Variants in TNFRSF19 observed in about 807,000 individuals in gnomAD.
TNFRSF19 encodes the protein TNF receptor superfamily member 19, also known as tumor necrosis factor receptor superfamily member 19.
Under a neutral mutation model 46.4 loss-of-function variants are expected in TNFRSF19, and 27 were observed. The ratio of observed to expected loss-of-function variants is 0.58; its 90% CI spans 0.43 to 0.80. The LOEUF (loss-of-function observed/expected upper bound fraction) is 0.80. Ranked by LOEUF, TNFRSF19 falls within the 30% of genes least tolerant of loss-of-function variation. The pLI, the probability that TNFRSF19 is intolerant of heterozygous loss-of-function variation, is 0.00. For missense variants in TNFRSF19, 511 were observed against 530.8 expected (o/e 0.96, Z 0.37); for synonymous variants, 204 against 205.0 (o/e 1.00, Z 0.04).
intron 5 of TNFRSF19, among the ~76,000 whole-genome samples, chr13:23,638,061 C>T (rs1882799619): frequency 1.6e-5 from 2 of 128,766 alleles, no homozygotes; most frequent in South Asian, 4.7e-4. Flanking sequence ...CACAGATGTT[C>T]AAGGCCATAA....
chr13:23,625,857 A>G (rs2138287910), intron 4 of TNFRSF19, among the ~76,000 whole-genome samples: 1 of 152,242 alleles, frequency 6.6e-6, no homozygotes, highest in African/African-American at 2.4e-5. Flanking sequence ...AAAATGATAT[A>G]TTTTCATTTT....
chr13:23,624,218 C>G (rs976630447), intron 4 of TNFRSF19, among the ~76,000 whole-genome samples: 1 of 152,104 alleles, frequency 6.6e-6, no homozygotes, highest in Non-Finnish European at 1.5e-5. Context: ...TCTGGGATCT[C>G]TTGTCTATTC....
chr13:23,627,872 C>A (rs1882106966), intron 5 of TNFRSF19, among the ~76,000 whole-genome samples: 1 of 152,120 alleles, frequency 6.6e-6, no homozygotes, highest in Non-Finnish European at 1.5e-5. Flanking sequence ...GTGTCCTTTA[C>A]CAAAATGCAT....
At chr13:23,644,159 A>G (rs1037772712) in intron 5 of TNFRSF19, among the ~76,000 whole-genome samples, 5 of 152,238 alleles carry the variant, frequency 3.3e-5, no homozygotes, top group African/African-American at 7.2e-5. Flanking sequence ...TTCTGTATTT[A>G]TAAACCAATG....
chr13:23,612,742 G>A (rs79829851), intron 3 of TNFRSF19, among the ~76,000 whole-genome samples: 11,932 of 152,250 alleles, frequency 0.078, 685 homozygotes, highest in East Asian at 0.28. Context: ...GTTCCCATGA[G>A]TATTTGGGAT....
chr13:23,639,021 A>G lies in TNFRSF19; in HGVS notation c.445+12229A>G, dbSNP rs117610978. ...GAAGAAATAAGAGCTGTTTAGTTCA[A>G]CTCAACAATTAATTTTTATTTTCTT... On this transcript the variant is annotated intron_variant, in intron 5 of 9. Coordinates refer to ENST00000248484, the MANE Select transcript of TNFRSF19 (RefSeq NM_148957.4). 8.4e-4 allele frequency among the ~76,000 whole-genome samples: 128 copies of G among 152,276 alleles called. No homozygotes were observed. The East Asian group carries it at 9.6e-3, about 11-fold the overall frequency.
At chr13:23,578,595 C>T (rs976311119) in intron 1 of TNFRSF19, among the ~76,000 whole-genome samples, 1 of 152,212 alleles carries the variant, frequency 6.6e-6, no homozygotes, top group Non-Finnish European at 1.5e-5. Context: ...AAGTCAAAAC[C>T]AACACGTGAG....
intron 5 of TNFRSF19, among the ~76,000 whole-genome samples, chr13:23,637,274 G>C (rs1882748780): frequency 6.6e-6 from 1 of 152,186 alleles, no homozygotes; most frequent in South Asian, 2.1e-4. Context: ...CCATCTACTT[G>C]ATGTTTTTCA....
At chr13:23,611,013 C>T (rs1022030602) in intron 3 of TNFRSF19, among the ~76,000 whole-genome samples, 4 of 151,986 alleles carry the variant, frequency 2.6e-5, no homozygotes, top group African/African-American at 9.7e-5. Context: ...TAATGGCGGA[C>T]CATGCTCCAT....
chr13:23,574,700 G>C (rs1330178242), intron 1 of TNFRSF19, among the ~76,000 whole-genome samples: 1 of 152,138 alleles, frequency 6.6e-6, no homozygotes, highest in Non-Finnish European at 1.5e-5. Context: ...CCCTTTAAAG[G>C]ATGGTTCTTT....
At chr13:23,649,456 T>C (rs1431835970) in intron 5 of TNFRSF19, among the ~76,000 whole-genome samples, 2 of 152,142 alleles carry the variant, frequency 1.3e-5, no homozygotes, top group East Asian at 3.8e-4. Flanking sequence ...TTCTCTCTTA[T>C]TTACTTAGTC....
chr13:23,632,523 G>C (rs1323385072), intron 5 of TNFRSF19, among the ~76,000 whole-genome samples: 2 of 152,264 alleles, frequency 1.3e-5, no homozygotes, highest in East Asian at 3.9e-4. Flanking sequence ...TTAAGTTACT[G>C]TTGCTCCTTC....
chr13:23,604,206 G>A (rs1880360102), intron 3 of TNFRSF19, among the ~76,000 whole-genome samples: 1 of 151,858 alleles, frequency 6.6e-6, no homozygotes, highest in South Asian at 2.1e-4. Flanking sequence ...CATATATACT[G>A]TCAGTGAACA....
intron 4 of TNFRSF19, among the ~76,000 whole-genome samples, chr13:23,617,882 G>T (rs1881408774): frequency 6.6e-6 from 1 of 152,192 alleles, no homozygotes; most frequent in Admixed American, 6.5e-5. Flanking sequence ...CAGAATTCAT[G>T]CTCCGAGGCA....
In TNFRSF19 at chr13:23,668,030, A is replaced by G; in HGVS notation, c.787A>G (p.Asn263Asp). 1 of 1,610,602 alleles carries G rather than the reference A, an allele frequency of 6.2e-7. No individual in the cohort carries two copies. Among genetic ancestry groups the G allele is most frequent in the South Asian group, 1.1e-5 (1 of 89,830 alleles). ...SMCCEEACSP[N>D]PATLGCGVHS... is the part of the protein sequence containing the mutation. ...GTGCTGTGAGGAGGCCTGCAGCCCCAACCCGGCGACTCTTGGTTGTGGGGT... is the reference window on the plus strand; with the variant it reads ...GTGCTGTGAGGAGGCCTGCAGCCCCGACCCGGCGACTCTTGGTTGTGGGGT... Residue 263 changes from asparagine (N) to aspartate (D), a missense_variant, in exon 8 of 10, where the codon AAC becomes GAC. Physicochemically the swap from Asn to Asp is conservative, Grantham distance 23. This residue lies in a region of TNFRSF19 where 376 missense variants were observed against 372.7 expected (regional missense o/e 1.01). Transcript: ENST00000248484.
At position 23,626,780 on chromosome 13, in the gene TNFRSF19, T is replaced by C; in HGVS notation, c.433T>C (p.Tyr145His). 6.2e-7 allele frequency: 1 copy of C among 1,614,150 alleles called. No homozygotes were observed. The highest frequency in any genetic ancestry group is 8.5e-7 in the Non-Finnish European group (1 of 1,180,020). ...CVPCGDPPPPYEPHCASKVNL... is the reference protein window; with the variant it reads ...CVPCGDPPPPHEPHCASKVNL... ...GCCTTGTGGAGACCCTCCTCCTCCTTACGAACCGCACTGTGAGTGAACGCA... is the reference window on the plus strand; with the variant it reads ...GCCTTGTGGAGACCCTCCTCCTCCTCACGAACCGCACTGTGAGTGAACGCA... Residue 145 changes from tyrosine (Y) to histidine (H), a missense_variant, in exon 5 of 10, where the codon TAC becomes CAC. Tyr to His is a moderately conservative substitution (Grantham distance 83, BLOSUM62 2). Around this residue, in one of 3 missense-constraint regions of TNFRSF19, gnomAD observed 376 missense variants for 372.7 expected, o/e 1.01. Transcript: ENST00000248484.
At chr13:23,625,051 C>T (rs1424002230) in intron 4 of TNFRSF19, among the ~76,000 whole-genome samples, 2 of 152,068 alleles carry the variant, frequency 1.3e-5, no homozygotes, top group Non-Finnish European at 2.9e-5. Flanking sequence ...TGCGCCTGGC[C>T]ACACACGACT....
At chr13:23,639,476 T>C (rs1882902456) in intron 5 of TNFRSF19, among the ~76,000 whole-genome samples, 1 of 152,220 alleles carries the variant, frequency 6.6e-6, no homozygotes, top group Non-Finnish European at 1.5e-5. Flanking sequence ...CATAGCTCCT[T>C]TCCTTTGCCT....
rs1360315197 is a variant in TNFRSF19, at chr13:23,668,754, G to A, written c.902G>A (p.Cys301Tyr). ...TTCGGATCCCTCACGCAGTCCATCT[G>A]TGGCGAGTTTTCAGATGCCTGGCCT... ...TFFGSLTQSI[C>Y]GEFSDAWPLM... Residue 301 changes from cysteine to tyrosine, a missense_variant, in exon 9 of 10, where the codon TGT becomes TAT. Around this residue, in one of 3 missense-constraint regions of TNFRSF19, gnomAD observed 376 missense variants for 372.7 expected, o/e 1.01. Transcript: ENST00000248484. 6.2e-7 allele frequency: 1 copy of A among 1,614,140 alleles called. No individual in the cohort carries two copies. The highest frequency in any genetic ancestry group is 8.5e-7 in the Non-Finnish European group (1 of 1,180,058).
Sources: allele counts gnomAD v4.1 joint callset (sites outside exome capture counted in the v4.1 genomes callset), GRCh38; gene constraint gnomAD v4.1.1; regional missense constraint gnomAD v4.1.1; transcripts MANE v1.5; gene names NCBI Gene and HGNC (gene_info 2026-07-23, HGNC 2026-07-21).